The following ARHGEF7 variants were observed in gnomAD, a reference collection of about 807,000 sequenced individuals.
ARHGEF7 encodes PAK-interacting exchange factor beta.
ARHGEF7 carries 33 observed loss-of-function variants against 109.8 expected under a neutral mutation model. That is an observed-to-expected ratio of 0.30 (90% CI 0.23 to 0.40). ARHGEF7 has a LOEUF of 0.40. ARHGEF7 is among the 10% of genes least tolerant of loss of function. ARHGEF7 has a pLI of 1.00. For synonymous variants in ARHGEF7, 458 were observed against 424.6 expected (o/e 1.08, Z -0.97); for missense variants, 938 against 1,098.5 (o/e 0.85, Z 2.07).
intron 19 of ARHGEF7, among the ~76,000 whole-genome samples, chr13:111,298,741 G>A (rs1304918518): frequency 1.3e-5 from 2 of 152,244 alleles, no homozygotes; most frequent in South Asian, 2.1e-4. Context: ...ACGCATGTGA[G>A]GAGCTGGGCC....
chr13:111,205,045 A>G (rs1346069307), intron 2 of ARHGEF7, among the ~76,000 whole-genome samples: 2 of 151,286 alleles, frequency 1.3e-5, no homozygotes, highest in African/African-American at 4.9e-5. Context: ...CCAGAGGGGC[A>G]GGGGCGGGTG....
chr13:111,281,831 A>G (rs2092793744), intron 15 of ARHGEF7, among the ~76,000 whole-genome samples: 1 of 152,194 alleles, frequency 6.6e-6, no homozygotes, highest in Non-Finnish European at 1.5e-5. Flanking sequence ...TCAGCGGGGA[A>G]GGCACTGTGC....
At position 111,209,966 on chromosome 13, in the gene ARHGEF7, G is replaced by T; in HGVS notation, c.432G>T (p.Arg144=). The T allele has an allele frequency of 6.2e-7, 1 of 1,614,218 alleles. No individual in the cohort carries two copies. Among genetic ancestry groups the T allele is most frequent in the Non-Finnish European group, 8.5e-7 (1 of 1,180,046 alleles). ...TTGGATCACAGTCTTTGCACACTCG[G>T]ACTTCAAAACTGTTCCAGGGCCAGT... The part of the protein sequence containing the change: ...DSLGSQSLHT[R]TSKLFQGQYR... The change falls in exon 4 of 22, where the codon CGG becomes CGT. Residue 144 remains arginine (R), a synonymous_variant. Transcript: ENST00000646102.
chr13:111,153,980 C>T lies in ARHGEF7; in HGVS notation c.241C>T (p.Leu81=), dbSNP rs760593316. The T allele has an allele frequency of 7.2e-5, 115 of 1,602,080 alleles. No homozygotes were observed. Among genetic ancestry groups the T allele is most frequent in the Non-Finnish European group, 8.8e-5 (104 of 1,176,528 alleles). The change falls in exon 2 of 22, where the codon CTG becomes TTG. Residue 81 remains leucine (L), a synonymous_variant. Coordinates refer to ENST00000646102, the MANE Select transcript of ARHGEF7 (RefSeq NM_001354046.2). The part of the protein sequence containing the change: ...REFLRGCGAS[L]RLETFDANDL... ...GTTCCTGCGCGGCTGCGGGGCTTCC[C>T]TGCGGCTGGAGGTGAGCGCGGGCGG...
intron 6 of ARHGEF7, among the ~76,000 whole-genome samples, chr13:111,243,670 G>T (rs1017658259): frequency 1.3e-5 from 2 of 152,200 alleles, no homozygotes; most frequent in Admixed American, 1.3e-4. Context: ...GATAAAGTCA[G>T]TTGTATGGCC....
At chr13:111,197,225 G>T (rs144465491) in intron 2 of ARHGEF7, among the ~76,000 whole-genome samples, 4 of 150,462 alleles carry the variant, frequency 2.7e-5, no homozygotes, top group Admixed American at 2.0e-4. Context: ...AGTTGTGCTC[G>T]CCGACGCAGC....
intron 12 of ARHGEF7, 126 bp downstream of exon 12, chr13:111,275,804 G>A: frequency 8.0e-7 from 1 of 1,253,742 alleles, no homozygotes. Context: ...TAATTTGTGA[G>A]CTACTTTTTA....
intron 2 of ARHGEF7, among the ~76,000 whole-genome samples, chr13:111,199,207 G>C (rs574446895): frequency 6.6e-6 from 1 of 152,180 alleles, no homozygotes; most frequent in Non-Finnish European, 1.5e-5. Flanking sequence ...ACTCCTCCTC[G>C]AAGGGCAGGG....
At chr13:111,262,774 C>T (rs55814812) in intron 8 of ARHGEF7, among the ~76,000 whole-genome samples, 16,552 of 152,224 alleles carry the variant, frequency 0.11, 1,215 homozygotes, top group Middle Eastern at 0.2. Flanking sequence ...TGTGCTGTTG[C>T]TGTTACTGTG....
chr13:111,141,623 T>C (rs1239111521), intron 1 of ARHGEF7, among the ~76,000 whole-genome samples: 2 of 150,324 alleles, frequency 1.3e-5, no homozygotes, highest in African/African-American at 4.8e-5. Flanking sequence ...GCATTTAAGG[T>C]TCCTCCATAT....
chr13:111,169,487 C>G (rs2077407055), intron 2 of ARHGEF7, among the ~76,000 whole-genome samples: 1 of 152,096 alleles, frequency 6.6e-6, no homozygotes, highest in Non-Finnish European at 1.5e-5. Context: ...CCATATCTCA[C>G]CAGCACACAC....
At chr13:111,214,869 G>A (rs994938721) in intron 4 of ARHGEF7, among the ~76,000 whole-genome samples, 2 of 151,232 alleles carry the variant, frequency 1.3e-5, no homozygotes, top group African/African-American at 4.9e-5. Flanking sequence ...AAATAGATAA[G>A]TATTAAATAT....
chr13:111,176,863 T>C (rs1018528549), intron 2 of ARHGEF7, among the ~76,000 whole-genome samples: 1 of 152,214 alleles, frequency 6.6e-6, no homozygotes, highest in East Asian at 1.9e-4. Flanking sequence ...TTCAAGCGAT[T>C]CTCCTGCCTC....
intron 2 of ARHGEF7, among the ~76,000 whole-genome samples, chr13:111,155,089 G>A (rs2076210449): frequency 6.6e-6 from 1 of 152,188 alleles, no homozygotes; most frequent in Non-Finnish European, 1.5e-5. Flanking sequence ...ATGAAACCTA[G>A]AGATGATTTA....
At chr13:111,222,554 C>G (rs191451171) in intron 5 of ARHGEF7, among the ~76,000 whole-genome samples, 1 of 152,140 alleles carries the variant, frequency 6.6e-6, no homozygotes, top group South Asian at 2.1e-4. Context: ...CCCAGCCTCC[C>G]GAGTAGCTGG....
chr13:111,277,802 G>C lies in ARHGEF7; in HGVS notation c.1506+129G>C. 10 of 610,416 alleles carry C rather than the reference G, an allele frequency of 1.6e-5. No individual in the cohort carries two copies. The South Asian group carries it at 2.2e-4, about 14-fold the overall frequency. 37.8% of individuals were successfully genotyped at this position (610,416 alleles called of 1,614,324 possible). ...CTGTGTGTGTAGTGCTGTATATTCAGATATGGACGTACAGCTCCTGTTTGT... is the reference window on the plus strand; with the variant it reads ...CTGTGTGTGTAGTGCTGTATATTCACATATGGACGTACAGCTCCTGTTTGT... On this transcript the variant is annotated intron_variant, in intron 13 of 21. Transcript: ENST00000646102.
intron 19 of ARHGEF7, chr13:111,294,524 G>A: frequency 1.0e-6 from 1 of 985,428 alleles, no homozygotes; most frequent in Non-Finnish European, 1.2e-6. Context: ...GCATTTTGAT[G>A]ATGCTTTTTC....
chr13:111,133,203 GTA>G (rs752562678), intron 1 of ARHGEF7, among the ~76,000 whole-genome samples: 3 of 151,858 alleles, frequency 2.0e-5, no homozygotes, highest in Middle Eastern at 3.2e-3. Context: ...ATATATGCGT[GTA>G]TATGTGTATA....
At chr13:111,211,563 C>T (rs529824026) in intron 4 of ARHGEF7, among the ~76,000 whole-genome samples, 1 of 152,298 alleles carries the variant, frequency 6.6e-6, no homozygotes, top group Admixed American at 6.5e-5. Context: ...TAGACTTGCG[C>T]TCTCTGACCT....
Sources: allele counts gnomAD v4.1 joint callset (sites outside exome capture counted in the v4.1 genomes callset), GRCh38; gene constraint gnomAD v4.1.1; transcripts MANE v1.5; gene names NCBI Gene and HGNC (gene_info 2026-07-23, HGNC 2026-07-21).